Variants in SCMH1 observed in about 807,000 individuals in gnomAD.
SCMH1 encodes the protein Scm polycomb group protein homolog 1.
SCMH1 carries 37 observed loss-of-function variants against 70.8 expected under a neutral mutation model. The ratio of observed to expected loss-of-function variants is 0.52; its 90% CI spans 0.40 to 0.69. The LOEUF (loss-of-function observed/expected upper bound fraction) is 0.69. Among genes scored for constraint, SCMH1 ranks in the 30% least tolerant of loss-of-function variants. The pLI is 0.00. For synonymous variants in SCMH1, 292 were observed against 307.4 expected (o/e 0.95, Z 0.52); for missense variants, 607 against 827.3 (o/e 0.73, Z 3.27).
chr1:41,097,426 G>C (rs1158960111), intron 8 of SCMH1, among the ~76,000 whole-genome samples: 1 of 152,180 alleles, frequency 6.6e-6, no homozygotes, highest in Non-Finnish European at 1.5e-5. Flanking sequence ...GCTCAAAAAA[G>C]AATGTCTTTT....
At chr1:41,116,218 T>C (rs796896919) in intron 7 of SCMH1, among the ~76,000 whole-genome samples, 1 of 152,228 alleles carries the variant, frequency 6.6e-6, no homozygotes, top group Non-Finnish European at 1.5e-5. Context: ...CTGAGTTACA[T>C]AAGTGCTAGG....
chr1:41,221,577 C>T (rs1027313123), intron 1 of SCMH1, among the ~76,000 whole-genome samples: 1 of 138,792 alleles, frequency 7.2e-6, no homozygotes, highest in African/African-American at 2.5e-5. Flanking sequence ...CATGGCCAAA[C>T]GCTCATAGCA....
intron 1 of SCMH1, among the ~76,000 whole-genome samples, chr1:41,210,074 A>G (rs566394524): frequency 1.4e-4 from 22 of 152,328 alleles, no homozygotes; most frequent in African/African-American, 5.3e-4. Context: ...AATAACAGAC[A>G]GAGACCCAAA....
At chr1:41,185,966 A>T (rs1650092869) in intron 2 of SCMH1, 155 bp downstream of exon 2, 2 of 670,584 alleles carry the variant, frequency 3.0e-6, no homozygotes, top group South Asian at 6.6e-5. Flanking sequence ...TCCTCTCCCA[A>T]TCTGGAAAAT....
At chr1:41,125,985 A>G (rs1007231629) in intron 6 of SCMH1, among the ~76,000 whole-genome samples, 1 of 152,222 alleles carries the variant, frequency 6.6e-6, no homozygotes, top group Non-Finnish European at 1.5e-5. Context: ...CATACAAATC[A>G]TATGTTACAT....
intron 6 of SCMH1, among the ~76,000 whole-genome samples, chr1:41,136,189 G>C (rs1287377568): frequency 2.6e-5 from 4 of 151,920 alleles, no homozygotes; most frequent in African/African-American, 9.7e-5. Flanking sequence ...CAAGCAATCT[G>C]TCTGCCTTGG....
At chr1:41,061,483 A>G (rs1652622362) in intron 10 of SCMH1, among the ~76,000 whole-genome samples, 1 of 152,238 alleles carries the variant, frequency 6.6e-6, no homozygotes, top group East Asian at 1.9e-4. Context: ...TATCAGGGAA[A>G]GACAGGGGCA....
chr1:41,112,666 T>A (rs1430603733), intron 8 of SCMH1, among the ~76,000 whole-genome samples: 6 of 152,216 alleles, frequency 3.9e-5, no homozygotes, highest in Non-Finnish European at 7.3e-5. Context: ...TTGCTAGTCA[T>A]CAACTTTTCA....
At chr1:41,071,096 GAAAC>G (rs934547673) in intron 9 of SCMH1, among the ~76,000 whole-genome samples, 3 of 151,608 alleles carry the variant, frequency 2.0e-5, no homozygotes, top group African/African-American at 7.3e-5. Context: ...TTTAAAAATG[GAAAC>G]AAACAAAAAA....
chr1:41,211,016 G>A (rs999397300), intron 1 of SCMH1, among the ~76,000 whole-genome samples: 22 of 152,040 alleles, frequency 1.4e-4, no homozygotes, highest in African/African-American at 5.3e-4. Flanking sequence ...CACCGTGTTG[G>A]CCAGGATGGT....
chr1:41,099,847 T>G (rs1166053068), intron 8 of SCMH1, among the ~76,000 whole-genome samples: 2 of 152,218 alleles, frequency 1.3e-5, no homozygotes, highest in African/African-American at 4.8e-5. Flanking sequence ...CTTTAGGACC[T>G]TGTATGGGCT....
intron 1 of SCMH1, among the ~76,000 whole-genome samples, chr1:41,192,838 T>C (rs1201808416): frequency 3.3e-5 from 5 of 152,188 alleles, no homozygotes; most frequent in Non-Finnish European, 5.9e-5. Flanking sequence ...GCTTCACCAA[T>C]TCACATTCCT....
At chr1:41,101,077 T>C (rs1039653804) in intron 8 of SCMH1, among the ~76,000 whole-genome samples, 6 of 150,000 alleles carry the variant, frequency 4.0e-5, no homozygotes, top group African/African-American at 1.5e-4. Flanking sequence ...TTAGAAACTA[T>C]ACAATCTCAA....
intron 1 of SCMH1, among the ~76,000 whole-genome samples, chr1:41,192,590 T>C (rs550043751): frequency 3.3e-5 from 5 of 152,176 alleles, no homozygotes; most frequent in Admixed American, 2.0e-4. Flanking sequence ...TGCTGCTTCC[T>C]TTTCCTTCAT....
intron 8 of SCMH1, among the ~76,000 whole-genome samples, chr1:41,091,059 A>C (rs1004012358): frequency 7.6e-6 from 1 of 131,032 alleles, no homozygotes; most frequent in Non-Finnish European, 1.6e-5. Context: ...AAAAAAAAAA[A>C]TGTTAGTTGA....
chr1:41,160,002 A>G (rs1212891518), intron 4 of SCMH1: 1 of 360,816 alleles, frequency 2.8e-6, no homozygotes, highest in Non-Finnish European at 4.7e-6. Flanking sequence ...TCAGAGTCAC[A>G]AAGTTACTAA....
At chr1:41,218,944 A>C (rs1283537818) in intron 1 of SCMH1, among the ~76,000 whole-genome samples, 1 of 152,152 alleles carries the variant, frequency 6.6e-6, no homozygotes, top group African/African-American at 2.4e-5. Flanking sequence ...CCCTGGGATC[A>C]TACCTTAGTT....
chr1:41,095,750 T>G (rs1050993153), intron 8 of SCMH1, among the ~76,000 whole-genome samples: 8 of 152,196 alleles, frequency 5.3e-5, no homozygotes, highest in African/African-American at 1.9e-4. Flanking sequence ...GACACCGTCT[T>G]GTATTTCTGG....
At chr1:41,117,527 G>T (rs966346294) in intron 6 of SCMH1, among the ~76,000 whole-genome samples, 4 of 150,488 alleles carry the variant, frequency 2.7e-5, no homozygotes, top group African/African-American at 9.7e-5. Flanking sequence ...GTTTAGAGAA[G>T]ACTCTACTCC....
Sources: allele counts gnomAD v4.1 joint callset (sites outside exome capture counted in the v4.1 genomes callset), GRCh38; gene constraint gnomAD v4.1.1; transcripts MANE v1.5; gene names NCBI Gene and HGNC (gene_info 2026-07-23, HGNC 2026-07-21).